The following MAPK6 variants were observed in gnomAD, a reference collection of about 807,000 sequenced individuals.
MAPK6 encodes the protein mitogen-activated protein kinase 6, also known as ERK-3.
In MAPK6, 19 loss-of-function variants were observed where a neutral mutation model predicts 59.3. The ratio of observed to expected loss-of-function variants is 0.32; its 90% CI spans 0.22 to 0.47. The LOEUF (loss-of-function observed/expected upper bound fraction) is 0.47. Ranked by LOEUF, MAPK6 falls within the 20% of genes least tolerant of loss-of-function variation. The probability of loss-of-function intolerance (pLI) is 1.00; values close to 1 mark genes in which losing one functional copy is unlikely to be tolerated. For missense variants in MAPK6, 724 were observed against 847.9 expected, an observed-to-expected ratio of 0.85 and a Z score of 1.81; for synonymous variants, 316 against 290.3, an observed-to-expected ratio of 1.09 and a Z score of -0.90.
At chr15:52,050,890 A>G (rs1335397313) in intron 3 of MAPK6, among the ~76,000 whole-genome samples, 1 of 152,192 alleles carries the variant, frequency 6.6e-6, no homozygotes, top group Non-Finnish European at 1.5e-5. Flanking sequence ...ATTTATGACT[A>G]GTTAAGATGG....
At chr15:51,973,590 C>T (rs945825648) in intron 1 of MAPK6, among the ~76,000 whole-genome samples, 9 of 151,834 alleles carry the variant, frequency 5.9e-5, no homozygotes, top group Admixed American at 5.3e-4. Context: ...GTGTTTTTCC[C>T]ATATGAATAG....
At chr15:52,010,089 C>G (rs1460732568) in intron 3 of MAPK6, among the ~76,000 whole-genome samples, 1 of 151,902 alleles carries the variant, frequency 6.6e-6, no homozygotes, top group Non-Finnish European at 1.5e-5. Context: ...TTTCTTACAG[C>G]TTTTCAATGA....
In MAPK6 at chr15:52,065,067, G is replaced by GTT. The variant is rs1395672578; in HGVS notation, c.*69_*70dup. On this transcript the variant is annotated 3_prime_UTR_variant, in exon 6 of 6. Coordinates refer to ENST00000261845, the MANE Select transcript of MAPK6 (RefSeq NM_002748.4). ...TGTTTTGTCTTTTTTTATTACTAGT[G>GTT]TTTAAGTCATTTTTTACTTGAATCA... 6 of 1,410,540 alleles carry GTT rather than the reference G, an allele frequency of 4.3e-6. No homozygotes were observed. The African/African-American group carries it at 8.6e-5, about 20-fold the overall frequency. The allele number at this position is 1,410,540 out of a possible 1,614,324, so 87.4% of individuals were successfully genotyped here. A position where few individuals can be genotyped will look rare whatever the true frequency, so the allele number is the denominator to read the frequency against.
chr15:52,052,151 G>A (rs1281798879), intron 3 of MAPK6, among the ~76,000 whole-genome samples: 2 of 152,182 alleles, frequency 1.3e-5, no homozygotes, highest in African/African-American at 4.8e-5. Flanking sequence ...TTAGCTGGGT[G>A]GTTCTAGCTT....
intron 1 of MAPK6, among the ~76,000 whole-genome samples, chr15:52,043,598 C>T (rs1466049239): frequency 1.3e-5 from 2 of 150,966 alleles, no homozygotes; most frequent in Non-Finnish European, 3.0e-5. Flanking sequence ...CGCCTGGCCA[C>T]AAAAATTTAT....
At position 52,065,368 on chromosome 15, in the gene MAPK6, TC is replaced by T. The variant is rs1211352639; in HGVS notation, c.*370del. ...AATTGCATGAAAATAGCTATTTTTT[TC>T]CTAAGACATTTTTCATTCATGAATA... On this transcript the variant is annotated 3_prime_UTR_variant, in exon 6 of 6. Coordinates refer to ENST00000261845, the MANE Select transcript of MAPK6 (RefSeq NM_002748.4). 5.0e-5 allele frequency: 8 copies of T among 161,056 alleles called. No individual in the cohort carries two copies. Among genetic ancestry groups the T allele is most frequent in the Non-Finnish European group, 8.1e-5 (6 of 73,996 alleles). 10.0% of individuals were successfully genotyped at this position (161,056 alleles called of 1,614,324 possible). A position where few individuals can be genotyped will look rare whatever the true frequency, so the allele number is the denominator to read the frequency against.
At chr15:52,062,772 T>A (rs1596015679) in intron 5 of MAPK6, among the ~76,000 whole-genome samples, 1 of 152,086 alleles carries the variant, frequency 6.6e-6, no homozygotes, top group East Asian at 1.9e-4. Context: ...TTCAAATAAA[T>A]AAATAAATAC....
chr15:51,992,269 A>ATCTG, intron 2 of MAPK6, among the ~76,000 whole-genome samples: 1 of 108,260 alleles, frequency 9.2e-6, no homozygotes, highest in Non-Finnish European at 1.8e-5. Flanking sequence ...TCCCTCATTT[A>ATCTG]TCTATCTATC....
At chr15:52,049,376 T>TA (rs1183216581) in intron 2 of MAPK6, among the ~76,000 whole-genome samples, 2 of 85,978 alleles carry the variant, frequency 2.3e-5, no homozygotes, top group Non-Finnish European at 5.2e-5. Context: ...TTTTTTTTTT[T>TA]AAAGACAGGG....
chr15:52,046,269 TGAGC>T lies in MAPK6; in HGVS notation c.-191_-188del. Reference sequence around the variant, plus strand: ...AATTCTCAATATGAATAGAGCTTTTTGAGCTTTAAATCTAAGGGGAACTCGACAG... The same window carrying T: ...AATTCTCAATATGAATAGAGCTTTTTTTTAAATCTAAGGGGAACTCGACAG... On this transcript the variant is annotated 5_prime_UTR_variant, in exon 2 of 6. An upstream open reading frame in the 5' UTR loses its in-frame stop. Transcript: ENST00000261845. 1.9e-6 allele frequency: 1 copy of T among 539,998 alleles called. No homozygotes were observed. Among genetic ancestry groups the T allele is most frequent in the African/African-American group, 1.9e-5 (1 of 52,636 alleles). The allele number at this position is 539,998 out of a possible 1,614,324, so 33.5% of individuals were successfully genotyped here. A position where few individuals can be genotyped will look rare whatever the true frequency, so the allele number is the denominator to read the frequency against.
intron 3 of MAPK6, chr15:52,057,225 C>CTT (rs1453754007): frequency 6.6e-6 from 1 of 152,224 alleles, no homozygotes; most frequent in African/African-American, 2.4e-5. Context: ...TATTTGCTGT[C>CTT]TTTAGTTACC....
chr15:52,018,714 G>C (rs1009178373), upstream of MAPK6: 13 of 152,638 alleles, frequency 8.5e-5, no homozygotes, highest in Non-Finnish European at 1.3e-4. Context: ...GGTTATATCC[G>C]CTCCTCCGGG....
At chr15:52,020,020 T>A (rs74013644) in intron 1 of MAPK6, 8,409 of 152,522 alleles carry the variant, frequency 0.055, 451 homozygotes, top group African/African-American at 0.13. Flanking sequence ...TTTTGAGTCT[T>A]GCCATGAATG....
At position 52,054,729 on chromosome 15, in the gene MAPK6, TACACAC is replaced by T. The variant is rs35669914; in HGVS notation, c.701-3888_701-3883del. Among the ~76,000 whole-genome samples, 45 of 147,132 alleles carry T rather than the reference TACACAC, an allele frequency of 3.1e-4. 1 individual carries two copies. Among genetic ancestry groups the T allele is most frequent in the South Asian group, 2.8e-3 (13 of 4,568 alleles). ...GGTAAAGTGTACATACATATATCTATACACACACACACACACACACATATACACATA... is the reference window on the plus strand; with the variant it reads ...GGTAAAGTGTACATACATATATCTATACACACACACACACATATACACATA... On this transcript the variant is annotated intron_variant, in intron 3 of 5. Coordinates refer to ENST00000261845, the MANE Select transcript of MAPK6 (RefSeq NM_002748.4).
intron 3 of MAPK6, among the ~76,000 whole-genome samples, chr15:52,053,322 C>G (rs116071969): frequency 1.3e-5 from 2 of 152,004 alleles, no homozygotes; most frequent in Non-Finnish European, 2.9e-5. Flanking sequence ...GTGATCTGCC[C>G]GCCTTGGCCT....
intron 3 of MAPK6, among the ~76,000 whole-genome samples, chr15:52,056,041 C>T (rs1223727480): frequency 6.6e-6 from 1 of 151,986 alleles, no homozygotes; most frequent in African/African-American, 2.4e-5. Flanking sequence ...AATAAAAACA[C>T]GAAGGGAAAT....
chr15:51,991,116 G>A (rs1457111169), intron 2 of MAPK6, among the ~76,000 whole-genome samples: 3 of 150,872 alleles, frequency 2.0e-5, no homozygotes, highest in Admixed American at 6.6e-5. Flanking sequence ...CAACAAGAGC[G>A]AAATTCCATC....
chr15:52,018,219 G>A (rs544779146), upstream of MAPK6, among the ~76,000 whole-genome samples: 14 of 133,234 alleles, frequency 1.1e-4, no homozygotes, highest in East Asian at 2.6e-3. Context: ...GTGGAGACGG[G>A]GCTTTCACCA....
At chr15:51,995,537 A>G (rs1479440217) in intron 2 of MAPK6, among the ~76,000 whole-genome samples, 1 of 152,202 alleles carries the variant, frequency 6.6e-6, no homozygotes, top group Non-Finnish European at 1.5e-5. Context: ...GATTTATGAT[A>G]GGCCTCTCTC....
Sources: gnomAD v4.1 joint callset for allele counts (sites outside exome capture counted in the v4.1 genomes callset) on GRCh38, gnomAD v4.1.1 for gene constraint, MANE v1.5 for transcripts, NCBI Gene and HGNC (gene_info 2026-07-23, HGNC 2026-07-21) for gene names.